R3HDM2: variants seen among roughly 807,000 people sequenced by gnomAD.
The protein encoded by R3HDM2 is R3H domain-containing protein 2.
A neutral mutation model predicts 124.5 loss-of-function variants in R3HDM2; 38 were observed. The observed-to-expected ratio is 0.31, with a 90% CI of 0.24 to 0.40. The LOEUF is 0.40. Among genes scored for constraint, R3HDM2 ranks in the 10% least tolerant of loss-of-function variants. The pLI is 1.00. For synonymous variants in R3HDM2, 391 were observed against 448.0 expected (o/e 0.87, Z 1.61); for missense variants, 869 against 1,236.9 (o/e 0.70, Z 4.46).
intron 3 of R3HDM2, among the ~76,000 whole-genome samples, chr12:57,306,414 A>AT (rs34606531): frequency 4.7e-5 from 7 of 149,528 alleles, no homozygotes; most frequent in African/African-American, 1.7e-4. Flanking sequence ...CAAGTTGGCT[A>AT]TTTTTTTTTT....
chr12:57,362,969 T>C (rs1030628833), intron 2 of R3HDM2, among the ~76,000 whole-genome samples: 1 of 152,132 alleles, frequency 6.6e-6, no homozygotes, highest in Non-Finnish European at 1.5e-5. Context: ...TACAGGCGCA[T>C]GCCACCATGC....
intron 2 of R3HDM2, among the ~76,000 whole-genome samples, chr12:57,364,438 C>T (rs1249666265): frequency 6.6e-6 from 1 of 152,010 alleles, no homozygotes; most frequent in African/African-American, 2.4e-5. Context: ...GTGTGAGCCA[C>T]CACGCCTAGC....
intron 14 of R3HDM2, among the ~76,000 whole-genome samples, chr12:57,277,548 C>T (rs975999830): frequency 3.9e-5 from 6 of 151,928 alleles, no homozygotes; most frequent in African/African-American, 1.5e-4. Context: ...AAGCAATTCT[C>T]ATGCTTAGGA....
chr12:57,333,591 C>T (rs1303499847), intron 2 of R3HDM2, among the ~76,000 whole-genome samples: 1 of 152,058 alleles, frequency 6.6e-6, no homozygotes, highest in African/African-American at 2.4e-5. Context: ...ACTTTGAAGG[C>T]TGAGGCAGGA....
rs775839017 is a variant in R3HDM2 at position 57,371,083 on chromosome 12, C to CTTTTTTTTTTTTTTTTTTTT, written c.-36+24646_-36+24665dup. Reference sequence around the variant, plus strand: ...AATGGGAACCAAATATATACCATTACTTTTTTTTTTTTTTTTTTTTTTTTT... The same window carrying CTTTTTTTTTTTTTTTTTTTT: ...AATGGGAACCAAATATATACCATTACTTTTTTTTTTTTTTTTTTTTTTTTTTTTTTTTTTTTTTTTTTTTT... On this transcript the variant is annotated intron_variant, in intron 2 of 23. Coordinates refer to ENST00000402412, the MANE Select transcript of R3HDM2 (RefSeq NM_001394031.1). 1.2e-4 allele frequency among the ~76,000 whole-genome samples: 5 copies of CTTTTTTTTTTTTTTTTTTTT among 40,898 alleles called. 1 individual carries two copies. Among genetic ancestry groups the CTTTTTTTTTTTTTTTTTTTT allele is most frequent in the African/African-American group, 1.7e-4 (2 of 11,694 alleles). The allele number at this position is 40,898 out of a possible 152,430, so 26.8% of individuals were successfully genotyped here.
intron 1 of R3HDM2, among the ~76,000 whole-genome samples, chr12:57,401,009 AAAAG>A (rs1208890636): frequency 2.0e-5 from 3 of 152,122 alleles, no homozygotes; most frequent in African/African-American, 7.2e-5. Flanking sequence ...ATGAACTTCA[AAAAG>A]AAAGACAAGT....
chr12:57,320,138 C>T (rs2056094690), intron 2 of R3HDM2, among the ~76,000 whole-genome samples: 1 of 150,960 alleles, frequency 6.6e-6, no homozygotes, highest in African/African-American at 2.4e-5. Flanking sequence ...TGCGTGCCTG[C>T]TAATCCCAGC....
chr12:57,324,288 A>G (rs1593275268), intron 2 of R3HDM2, among the ~76,000 whole-genome samples: 1 of 152,090 alleles, frequency 6.6e-6, no homozygotes, highest in African/African-American at 2.4e-5. Flanking sequence ...GGTTCAAGCA[A>G]TTCTCCTGCC....
At chr12:57,340,922 C>T (rs1284442293) in intron 2 of R3HDM2, among the ~76,000 whole-genome samples, 1 of 151,836 alleles carries the variant, frequency 6.6e-6, no homozygotes, top group Non-Finnish European at 1.5e-5. Context: ...ATGGGTTGGG[C>T]TGTTATGCTC....
chr12:57,410,318 TAAAAAAA>T (rs56412130), intron 1 of R3HDM2, among the ~76,000 whole-genome samples: 21 of 100,130 alleles, frequency 2.1e-4, no homozygotes, highest in African/African-American at 8.0e-4. Context: ...AGTATAACCT[TAAAAAAA>T]AAAAAAAAAA....
Position 57,296,885 on chromosome 12 carries a change from G to A in R3HDM2, c.561-334C>T, listed in dbSNP as rs1232806373. ...TCAAGACCAGCCTGGTCAACATGGT[G>A]AAACCCCGTCTCTACAAAAAATACA... On this transcript the variant is annotated intron_variant, in intron 8 of 23. Coordinates refer to ENST00000402412, the MANE Select transcript of R3HDM2 (RefSeq NM_001394031.1). The surrounding 1 kb of genome is among the most constrained non-coding windows in gnomAD (Gnocchi z 4.5). 4 of 236,718 alleles carry A rather than the reference G, an allele frequency of 1.7e-5. No individual in the cohort carries two copies. The highest frequency in any genetic ancestry group is 9.1e-5 in the African/African-American group (4 of 43,744). The allele number at this position is 236,718 out of a possible 1,614,324, so 14.7% of individuals were successfully genotyped here. A position where few individuals can be genotyped will look rare whatever the true frequency, so the allele number is the denominator to read the frequency against.
intron 3 of R3HDM2, among the ~76,000 whole-genome samples, chr12:57,305,142 G>A (rs1011911855): frequency 2.0e-5 from 3 of 152,060 alleles, no homozygotes; most frequent in Non-Finnish European, 4.4e-5. Context: ...CTGAGATTGC[G>A]CCACTGCACT....
chr12:57,366,752 C>A (rs555049446), intron 2 of R3HDM2, among the ~76,000 whole-genome samples: 1 of 152,026 alleles, frequency 6.6e-6, no homozygotes, highest in Non-Finnish European at 1.5e-5. Context: ...TGCAGTGGCG[C>A]GATCTTGGCT....
At chr12:57,334,923 A>G (rs2058664127) in intron 2 of R3HDM2, among the ~76,000 whole-genome samples, 1 of 150,850 alleles carries the variant, frequency 6.6e-6, no homozygotes, top group Non-Finnish European at 1.5e-5. Flanking sequence ...GTGTCACCTG[A>G]GGCTAGCAGT....
Position 57,266,843 on chromosome 12 carries a change from G to A in R3HDM2, c.2031-12C>T. On this transcript the variant is annotated splice_polypyrimidine_tract_variant and intron_variant, in intron 18 of 23. Coordinates refer to ENST00000402412, the MANE Select transcript of R3HDM2 (RefSeq NM_001394031.1). ...ACCCTACAGAAGGGCTGGGAAGACA[G>A]AGAAGAGAGGAGTGGTGAAGCAGTA... 3 of 1,536,074 alleles carry A rather than the reference G, an allele frequency of 2.0e-6. No homozygotes were observed. Among genetic ancestry groups the A allele is most frequent in the Non-Finnish European group, 2.7e-6 (3 of 1,113,864 alleles).
chr12:57,367,311 G>A (rs1014346918), intron 2 of R3HDM2, among the ~76,000 whole-genome samples: 1 of 152,188 alleles, frequency 6.6e-6, no homozygotes, highest in Non-Finnish European at 1.5e-5. Context: ...AGAACTTTCT[G>A]TGATGATGAA....
At chr12:57,406,146 A>G (rs1005747501) in intron 1 of R3HDM2, among the ~76,000 whole-genome samples, 3 of 152,058 alleles carry the variant, frequency 2.0e-5, no homozygotes, top group African/African-American at 7.2e-5. Flanking sequence ...ACATGGTGAA[A>G]CCCCATTTCT....
chr12:57,386,336 GC>G (rs2065769486), intron 2 of R3HDM2, among the ~76,000 whole-genome samples: 1 of 152,240 alleles, frequency 6.6e-6, no homozygotes, highest in African/African-American at 2.4e-5. Context: ...GGGAACCGAG[GC>G]TGCCCATGGC....
chr12:57,366,162 G>GT (rs2062626691), intron 2 of R3HDM2, among the ~76,000 whole-genome samples: 1 of 152,008 alleles, frequency 6.6e-6, no homozygotes. Context: ...GTCTATCTAT[G>GT]TTTTCATTTA....
Sources: allele counts gnomAD v4.1 joint callset (sites outside exome capture counted in the v4.1 genomes callset), GRCh38; gene constraint gnomAD v4.1.1; non-coding constraint Gnocchi (gnomAD v3.1); transcripts MANE v1.5; gene names NCBI Gene and HGNC (gene_info 2026-07-23, HGNC 2026-07-21).